CUX1: variants seen among roughly 807,000 people sequenced by gnomAD.
The protein encoded by CUX1 is protein CASP.
A neutral mutation model predicts 158.8 loss-of-function variants in CUX1; 31 were observed. The observed-to-expected ratio is 0.20, with a 90% CI of 0.15 to 0.26. The LOEUF (loss-of-function observed/expected upper bound fraction) is 0.26, where lower values mean the gene tolerates loss of function less well. CUX1 is among the 10% of genes least tolerant of loss of function. CUX1 has a pLI of 1.00. For synonymous variants in CUX1, 879 were observed against 862.1 expected, an observed-to-expected ratio of 1.02 and a Z score of -0.34; for missense variants, 1,589 against 2,014.6, an observed-to-expected ratio of 0.79 and a Z score of 4.04.
At chr7:101,926,389 C>A (rs920860501) in intron 2 of CUX1, among the ~76,000 whole-genome samples, 1 of 152,036 alleles carries the variant, frequency 6.6e-6, no homozygotes, top group Non-Finnish European at 1.5e-5. Context: ...GAACCTAATT[C>A]GGGCCCCAGT....
Position 102,234,052 on chromosome 7 carries a change from G to A in CUX1, c.3434G>A (p.Gly1145Asp). The part of the protein sequence containing the change: ...VKEVLTDNNL[G>D]QRLFGETILG... The stretch of plus-strand genomic sequence containing the variant: ...TGTCTTGCTTCTGTTTTCTCTCTAG[G>A]CCAGCGCTTATTTGGGGAGACCATC... Residue 1145 changes from glycine to aspartate, a missense_variant and splice_region_variant, in exon 22 of 24, where the codon GGC (glycine) becomes GAC (aspartate). Transcript: ENST00000292535. The A allele has an allele frequency of 6.6e-7, 1 of 1,512,786 alleles. No individual in the cohort carries two copies. 93.7% of individuals were successfully genotyped at this position (1,512,786 alleles called of 1,614,324 possible).
At chr7:102,239,999 C>T (rs1477213010) in intron 23 of CUX1, among the ~76,000 whole-genome samples, 1 of 152,090 alleles carries the variant, frequency 6.6e-6, no homozygotes, top group Non-Finnish European at 1.5e-5. Flanking sequence ...CTGCCCACCT[C>T]GGCCCCGCAA....
chr7:101,925,996 C>G (rs923694475), intron 2 of CUX1, among the ~76,000 whole-genome samples: 2 of 152,274 alleles, frequency 1.3e-5, no homozygotes, highest in Non-Finnish European at 2.9e-5. Flanking sequence ...AAGAATTCCT[C>G]TCTTCATGGG....
intron 2 of CUX1, among the ~76,000 whole-genome samples, chr7:101,991,305 A>T (rs1563100760): frequency 6.6e-6 from 1 of 152,230 alleles, no homozygotes; most frequent in Non-Finnish European, 1.5e-5. Flanking sequence ...ACACCAGCTA[A>T]AATGTGGGCA....
At chr7:102,103,414 C>T (rs960048581) in intron 5 of CUX1, among the ~76,000 whole-genome samples, 2 of 138,452 alleles carry the variant, frequency 1.4e-5, no homozygotes, top group Admixed American at 7.3e-5. Context: ...TTTTGCTCTC[C>T]GTTTCTCTCT....
chr7:102,116,652 T>A (rs975914864), intron 8 of CUX1, among the ~76,000 whole-genome samples: 4 of 151,900 alleles, frequency 2.6e-5, no homozygotes, highest in African/African-American at 7.3e-5. Context: ...CCTAAAAAAA[T>A]TTTTAAAATA....
chr7:102,070,693 A>C (rs1381875192), intron 4 of CUX1, among the ~76,000 whole-genome samples: 2 of 152,222 alleles, frequency 1.3e-5, no homozygotes, highest in South Asian at 2.1e-4. Flanking sequence ...CTACAGCATA[A>C]AACCCTGCAC....
At chr7:102,213,560 G>T (rs1445424786) in intron 20 of CUX1, among the ~76,000 whole-genome samples, 1 of 152,214 alleles carries the variant, frequency 6.6e-6, no homozygotes, top group Non-Finnish European at 1.5e-5. Flanking sequence ...GACAGGCCCA[G>T]TCCAGCTTGT....
intron 2 of CUX1, among the ~76,000 whole-genome samples, chr7:102,019,773 A>G (rs1388925251): frequency 6.6e-6 from 1 of 152,230 alleles, no homozygotes; most frequent in Non-Finnish European, 1.5e-5. Context: ...CGTGTTTTAA[A>G]TGGCACAAAG....
At chr7:101,941,634 C>T (rs769622842) in intron 2 of CUX1, among the ~76,000 whole-genome samples, 1 of 152,178 alleles carries the variant, frequency 6.6e-6, no homozygotes, top group Non-Finnish European at 1.5e-5. Flanking sequence ...GAGACTGGAT[C>T]CCTCTCTTCC....
At chr7:101,969,900 C>T (rs1373889360) in intron 2 of CUX1, among the ~76,000 whole-genome samples, 3 of 149,576 alleles carry the variant, frequency 2.0e-5, no homozygotes, top group South Asian at 2.1e-4. Context: ...CTTGCCCCAA[C>T]GCGTATCAGG....
chr7:102,236,686 G>A (rs1382925052), intron 22 of CUX1, among the ~76,000 whole-genome samples: 1 of 152,166 alleles, frequency 6.6e-6, no homozygotes, highest in Non-Finnish European at 1.5e-5. Context: ...CACCCGAGCA[G>A]CGTGAAGCTT....
Position 102,205,205 on chromosome 7 carries a change from T to C in CUX1, c.3130+35T>C, listed in dbSNP as rs781837052. The C allele has an allele frequency of 1.1e-5, 16 of 1,476,942 alleles. No homozygotes were observed. The East Asian group carries it at 2.9e-4, about 27-fold the overall frequency. The allele number at this position is 1,476,942 out of a possible 1,614,324, so 91.5% of individuals were successfully genotyped here. ...CAGTTTCTGTTGCTTTTGCATGAAA[T>C]GTCTCACTGCCTTTTCTGTTGTCCC... is the stretch of plus-strand genomic sequence containing the variant. On this transcript the variant is annotated intron_variant, in intron 20 of 23. Transcript: ENST00000292535.
In CUX1 at chr7:102,252,663, GGT is replaced by G; in HGVS notation, c.*3627_*3628del. ...CTCCCTTGTGATAGCCGAGATGGCAGGTGTGTGAGTTCTGTCCTAGACCTGTG... is the reference window on the plus strand; with the variant it reads ...CTCCCTTGTGATAGCCGAGATGGCAGGTGTGAGTTCTGTCCTAGACCTGTG... On this transcript the variant is annotated 3_prime_UTR_variant, in exon 24 of 24. Coordinates refer to ENST00000292535, the MANE Select transcript of CUX1 (RefSeq NM_181552.4). The G allele has an allele frequency of 2.0e-6, 2 of 985,388 alleles. No homozygotes were observed. Among genetic ancestry groups the G allele is most frequent in the Non-Finnish European group, 2.4e-6 (2 of 829,932 alleles). The allele number at this position is 985,388 out of a possible 1,614,324, so 61.0% of individuals were successfully genotyped here. A position where few individuals can be genotyped will look rare whatever the true frequency, so the allele number is the denominator to read the frequency against.
At chr7:102,069,950 G>A (rs1222682449) in intron 3 of CUX1, among the ~76,000 whole-genome samples, 1 of 152,070 alleles carries the variant, frequency 6.6e-6, no homozygotes, top group Non-Finnish European at 1.5e-5. Flanking sequence ...TTCCCTCCTA[G>A]ACCCTGAGCT....
intron 2 of CUX1, among the ~76,000 whole-genome samples, chr7:102,016,272 G>A (rs879928720): frequency 1.2e-4 from 19 of 152,090 alleles, no homozygotes; most frequent in Admixed American, 5.2e-4. Flanking sequence ...AACTCCCTTC[G>A]CTCCACATGC....
At chr7:102,222,096 A>G (rs1554527132) in intron 20 of CUX1, among the ~76,000 whole-genome samples, 1 of 152,060 alleles carries the variant, frequency 6.6e-6, no homozygotes. Context: ...CCATCTCTCT[A>G]CAAAATATAC....
At chr7:102,199,940 G>T in intron 16 of CUX1, 131 bp from the exon 17 acceptor site, 1 of 640,158 alleles carries the variant, frequency 1.6e-6, no homozygotes, top group East Asian at 3.0e-5. Context: ...ACAGGCCACT[G>T]GGAGGCCACA....
chr7:101,882,924 C>G (rs1799861439), intron 1 of CUX1, among the ~76,000 whole-genome samples: 1 of 152,156 alleles, frequency 6.6e-6, no homozygotes, highest in African/African-American at 2.4e-5. Context: ...TGGGATAAAG[C>G]CTTTTTCGGG....
Sources: gnomAD v4.1 joint callset for allele counts (sites outside exome capture counted in the v4.1 genomes callset) on GRCh38, gnomAD v4.1.1 for gene constraint, MANE v1.5 for transcripts, NCBI Gene and HGNC (gene_info 2026-07-23, HGNC 2026-07-21) for gene names.